HHAT: variants seen among roughly 807,000 people sequenced by gnomAD.
The protein encoded by HHAT is hedgehog acyltransferase.
HHAT carries 47 observed loss-of-function variants against 70.8 expected under a neutral mutation model. That is an observed-to-expected ratio of 0.66 (90% CI 0.53 to 0.85). The LOEUF (loss-of-function observed/expected upper bound fraction) is 0.85, where lower values mean the gene tolerates loss of function less well. Among genes scored for constraint, HHAT ranks in the 40% least tolerant of loss-of-function variants. HHAT has a pLI of 0.00. For missense variants in HHAT, 609 were observed against 604.8 expected (o/e 1.01, Z -0.07); for synonymous variants, 228 against 247.6 (o/e 0.92, Z 0.74).
chr1:210,630,510 A>G (rs1019392555), intron 11 of HHAT, among the ~76,000 whole-genome samples: 2 of 152,226 alleles, frequency 1.3e-5, no homozygotes, highest in African/African-American at 4.8e-5. Flanking sequence ...AGAAGGACAC[A>G]AGTGAGATTT....
At chr1:210,520,364 T>C (rs979251067) in intron 9 of HHAT, among the ~76,000 whole-genome samples, 33 of 152,238 alleles carry the variant, frequency 2.2e-4, no homozygotes, top group African/African-American at 6.8e-4. Context: ...TCAGGATTAC[T>C]ATTGATAAGT....
At chr1:210,418,756 G>C (rs12035213) in intron 7 of HHAT, among the ~76,000 whole-genome samples, 17,177 of 152,166 alleles carry the variant, frequency 0.11, 1,241 homozygotes, top group East Asian at 0.24. Flanking sequence ...TATGAGGCTG[G>C]GTGTGGTGGC....
At position 210,404,383 on chromosome 1, in the gene HHAT, C is replaced by T. The variant is rs1035080911; in HGVS notation, c.469-81C>T. ...CTGGGATTCTCAGATGACGGTGGCCCTGCTGGCCAGCACCTGCAGTGGGAC... is the reference window on the plus strand; with the variant it reads ...CTGGGATTCTCAGATGACGGTGGCCTTGCTGGCCAGCACCTGCAGTGGGAC... On this transcript the variant is annotated intron_variant, in intron 5 of 11. Coordinates refer to ENST00000261458, the MANE Select transcript of HHAT (RefSeq NM_018194.6). 38 of 1,096,042 alleles carry T rather than the reference C, an allele frequency of 3.5e-5. No homozygotes were observed. In the South Asian group the frequency reaches 4.2e-4, roughly 12 times the overall value. 67.9% of individuals were successfully genotyped at this position (1,096,042 alleles called of 1,614,324 possible). A position where few individuals can be genotyped will look rare whatever the true frequency, so the allele number is the denominator to read the frequency against.
intron 11 of HHAT, among the ~76,000 whole-genome samples, chr1:210,673,984 GT>G (rs932150538): frequency 1.2e-4 from 17 of 136,396 alleles, no homozygotes; most frequent in African/African-American, 4.5e-4. Context: ...TATACTTTAA[GT>G]TTTAGGGTAC....
chr1:210,402,615 A>T (rs1297475840), intron 5 of HHAT, among the ~76,000 whole-genome samples: 4 of 152,104 alleles, frequency 2.6e-5, no homozygotes, highest in Non-Finnish European at 5.9e-5. Flanking sequence ...CTGGTAAACA[A>T]TAAAACAGTA....
intron 11 of HHAT, among the ~76,000 whole-genome samples, chr1:210,666,037 A>G (rs563268794): frequency 6.6e-6 from 1 of 152,318 alleles, no homozygotes; most frequent in African/African-American, 2.4e-5. Context: ...CTAGGAAGAA[A>G]GCTTCCCTGA....
rs531018361 is a variant in HHAT, at chr1:210,519,239, A to C, written c.1043+6051A>C. ...AGTGTGTATATGCCACATTTTCTCT[A>C]TCTGTGCATCTGTTGTTGGACACTT... is the stretch of plus-strand genomic sequence containing the variant. On this transcript the variant is annotated intron_variant, in intron 9 of 11. Coordinates refer to ENST00000261458, the MANE Select transcript of HHAT (RefSeq NM_018194.6). 2.6e-5 allele frequency among the ~76,000 whole-genome samples: 4 copies of C among 152,310 alleles called. No homozygotes were observed. The East Asian group carries it at 7.7e-4, about 29-fold the overall frequency.
intron 7 of HHAT, among the ~76,000 whole-genome samples, chr1:210,420,738 CTGTG>C (rs544096118): frequency 6.6e-6 from 1 of 151,672 alleles, no homozygotes; most frequent in African/African-American, 2.4e-5. Context: ...ATGCATGTCT[CTGTG>C]TGTGTGTAAA....
At chr1:210,533,265 GC>G in intron 9 of HHAT, among the ~76,000 whole-genome samples, 2 of 151,056 alleles carry the variant, frequency 1.3e-5, no homozygotes, top group Non-Finnish European at 2.9e-5. Context: ...TTTGTTGGTA[GC>G]TCTGCTGTTT....
chr1:210,564,716 G>T (rs768207853), intron 9 of HHAT, among the ~76,000 whole-genome samples: 10 of 151,760 alleles, frequency 6.6e-5, no homozygotes, highest in Non-Finnish European at 1.3e-4. Flanking sequence ...AATGCACAAT[G>T]TAATAGATAG....
chr1:210,665,461 A>T (rs1678694000), intron 11 of HHAT, among the ~76,000 whole-genome samples: 2 of 152,148 alleles, frequency 1.3e-5, no homozygotes, highest in African/African-American at 4.8e-5. Context: ...TTTAGCTGAA[A>T]GGACCCAAGA....
chr1:210,610,595 C>A (rs1666382493), intron 10 of HHAT, among the ~76,000 whole-genome samples: 1 of 152,098 alleles, frequency 6.6e-6, no homozygotes, highest in African/African-American at 2.4e-5. Flanking sequence ...TTGCCTGTGC[C>A]TATGTCCTGA....
chr1:210,340,242 G>GGGGGGAAAAAAAAAAA (rs1553313987), intron 1 of HHAT, among the ~76,000 whole-genome samples: 11 of 99,784 alleles, frequency 1.1e-4, no homozygotes, highest in African/African-American at 3.7e-4. Flanking sequence ...CTCTGTCTCA[G>GGGGGGAAAAAAAAAAA]AAAAAAAAAA....
chr1:210,384,363 G>A (rs949087932), intron 3 of HHAT, among the ~76,000 whole-genome samples: 8 of 152,142 alleles, frequency 5.3e-5, no homozygotes, highest in East Asian at 1.9e-4. Flanking sequence ...GGAATGGTAC[G>A]GGGCGGGCTG....
In HHAT at chr1:210,434,457, G is replaced by A. The variant is rs74156160; in HGVS notation, c.856+16132G>A. On this transcript the variant is annotated intron_variant, in intron 7 of 11. Coordinates refer to ENST00000261458, the MANE Select transcript of HHAT (RefSeq NM_018194.6). ...TGAGCAGCTCCTTTCCATGTCGGCC[G>A]AGTTCAAACAAGGTTTAAGTTTAAG... 6.4e-4 allele frequency among the ~76,000 whole-genome samples: 97 copies of A among 151,952 alleles called. 4 individuals are homozygous for A. Among genetic ancestry groups the A allele is most frequent in the Admixed American group, 2.3e-3 (35 of 15,286 alleles).
intron 9 of HHAT, among the ~76,000 whole-genome samples, chr1:210,571,882 C>T (rs1461547246): frequency 1.3e-5 from 2 of 152,224 alleles, no homozygotes; most frequent in Non-Finnish European, 2.9e-5. Flanking sequence ...CCTTAGACTG[C>T]CTCTATCTGT....
Position 210,614,951 on chromosome 1 carries a change from G to A in HHAT, c.1246-8575G>A, listed in dbSNP as rs138951978. ...TAGTAATGGGATGGCTGGGTCAAAT[G>A]GTATTTCCAGTTCTAGATCCCTGAG... On this transcript the variant is annotated intron_variant, in intron 10 of 11. Transcript: ENST00000261458. 7.0e-3 allele frequency among the ~76,000 whole-genome samples: 1,072 copies of A among 152,236 alleles called. 14 individuals are homozygous for A. The highest frequency in any genetic ancestry group is 0.023 in the African/African-American group (974 of 41,534).
intron 4 of HHAT, among the ~76,000 whole-genome samples, chr1:210,399,094 G>A (rs141132894): frequency 2.6e-5 from 4 of 152,290 alleles, no homozygotes; most frequent in Admixed American, 6.5e-5. Context: ...TCCACAAGAC[G>A]ACCTAAGTTC....
At chr1:210,391,592 A>G (rs937142868) in intron 4 of HHAT, among the ~76,000 whole-genome samples, 2 of 152,218 alleles carry the variant, frequency 1.3e-5, no homozygotes, top group Non-Finnish European at 2.9e-5. Flanking sequence ...ACAAGATATG[A>G]AGAGGAATTT....
Sources: gnomAD v4.1 joint callset for allele counts (sites outside exome capture counted in the v4.1 genomes callset) on GRCh38, gnomAD v4.1.1 for gene constraint, MANE v1.5 for transcripts, NCBI Gene and HGNC (gene_info 2026-07-23, HGNC 2026-07-21) for gene names.